PLEKHF1: variants seen among roughly 807,000 people sequenced by gnomAD.
PLEKHF1 encodes pleckstrin homology domain-containing family F member 1.
A neutral mutation model predicts 4.1 loss-of-function variants in PLEKHF1; 1 was observed. That is an observed-to-expected ratio of 0.24 (90% CI 0.09 to 1.15). The LOEUF is 1.15. PLEKHF1 is among the 50% of genes most tolerant of loss of function. The pLI is 0.52. For missense variants in PLEKHF1, 429 were observed against 400.6 expected (o/e 1.07, Z -0.60); for synonymous variants, 182 against 178.5 (o/e 1.02, Z -0.16).
chr19:29,668,937 T>C (rs1007676843), intron 1 of PLEKHF1, among the ~76,000 whole-genome samples: 12 of 152,078 alleles, frequency 7.9e-5, no homozygotes, highest in Non-Finnish European at 1.5e-4. Context: ...GGAGGGCACA[T>C]GTGAGCCCCT....
In PLEKHF1 at chr19:29,674,118, G is replaced by C. The variant is rs767362022; in HGVS notation, c.279G>C (p.Thr93=). The change falls in exon 2 of 2, where the codon ACG becomes ACC. Residue 93 remains threonine (T), a synonymous_variant. Coordinates refer to ENST00000436066, the MANE Select transcript of PLEKHF1 (RefSeq NM_024310.5). ...EEVTLELLPE[T]LQAKNRWMIK... ...TCACACTGGAGCTGTTGCCGGAGAC[G>C]CTGCAGGCCAAGAACCGCTGGATGA... The C allele has an allele frequency of 1.5e-5, 25 of 1,613,812 alleles. No homozygotes were observed. Among genetic ancestry groups the C allele is most frequent in the African/African-American group, 2.7e-5 (2 of 74,946 alleles).
intron 1 of PLEKHF1, among the ~76,000 whole-genome samples, chr19:29,668,126 G>C (rs545124565): frequency 2.3e-3 from 352 of 152,238 alleles, no homozygotes; most frequent in African/African-American, 8.1e-3. Flanking sequence ...GCAGGCAGCA[G>C]GATTGCTGAG....
chr19:29,674,022 C>T lies in PLEKHF1; in HGVS notation c.183C>T (p.Ile61=), dbSNP rs1225077762. ...GCATCTTCTTCCTCTTTAACGACAT[C>T]CTGGTGTATGGCAGCATCGTGCTCA... The part of the protein sequence containing the change: ...KPRIFFLFND[I]LVYGSIVLNK... The change falls in exon 2 of 2, where the codon ATC becomes ATT. Residue 61 remains isoleucine (I), a synonymous_variant. Coordinates refer to ENST00000436066, the MANE Select transcript of PLEKHF1 (RefSeq NM_024310.5). 1.2e-6 allele frequency: 2 copies of T among 1,614,028 alleles called. No individual in the cohort carries two copies. Among genetic ancestry groups the T allele is most frequent in the African/African-American group, 1.3e-5 (1 of 74,936 alleles).
intron 1 of PLEKHF1, among the ~76,000 whole-genome samples, chr19:29,670,305 C>G (rs1321914543): frequency 6.6e-6 from 1 of 152,166 alleles, no homozygotes; most frequent in Non-Finnish European, 1.5e-5. Context: ...CTGGCAGCCC[C>G]TGGCAACCAC....
intron 1 of PLEKHF1, 109 bp from the exon 2 acceptor site, chr19:29,673,715 G>A: frequency 6.9e-7 from 1 of 1,441,410 alleles, no homozygotes; most frequent in Non-Finnish European, 9.4e-7. Context: ...ACTGTGCGTA[G>A]TCAGTGGGCT....
intron 1 of PLEKHF1, among the ~76,000 whole-genome samples, chr19:29,669,347 C>T (rs142334719): frequency 2.6e-5 from 4 of 152,222 alleles, no homozygotes; most frequent in African/African-American, 9.6e-5. Context: ...GGGCACAAAG[C>T]CCACCTGCCT....
Position 29,669,166 on chromosome 19 carries a change from G to A in PLEKHF1, c.-17+3661G>A, listed in dbSNP as rs144548854. On this transcript the variant is annotated intron_variant, in intron 1 of 1. Transcript: ENST00000436066. ...CCCCTCCAAGGGCTGCAGAGACAGC[G>A]TCATGGACTCTGCCCTCTGCTGGAC... is the stretch of plus-strand genomic sequence containing the variant. Among the ~76,000 whole-genome samples, 40 of 152,298 alleles carry A rather than the reference G, an allele frequency of 2.6e-4. No individual in the cohort carries two copies. In the East Asian group the frequency reaches 7.3e-3, roughly 28 times the overall value.
chr19:29,674,147 A>G lies in PLEKHF1; in HGVS notation c.308A>G (p.Lys103Arg). ...CAGGCCAAGAACCGCTGGATGATCA[A>G]GACGGCCAAGAAGTCCTTTGTGGTG... is the stretch of plus-strand genomic sequence containing the variant. Reference protein sequence around the residue: ...TLQAKNRWMIKTAKKSFVVSA... With the variant: ...TLQAKNRWMIRTAKKSFVVSA... The change falls in exon 2 of 2, where the codon AAG becomes AGG. Residue 103 changes from lysine to arginine, a missense_variant. Transcript: ENST00000436066. The G allele has an allele frequency of 6.2e-7, 1 of 1,613,800 alleles. No individual in the cohort carries two copies. The highest frequency in any genetic ancestry group is 2.2e-5 in the East Asian group (1 of 44,884).
chr19:29,666,019 GGGA>G (rs2145584293), intron 1 of PLEKHF1, among the ~76,000 whole-genome samples: 1 of 152,238 alleles, frequency 6.6e-6, no homozygotes, highest in Admixed American at 6.5e-5. Context: ...GATTCTTGGT[GGGA>G]GCTGCCAAGG....
intron 1 of PLEKHF1, 90 bp downstream of exon 1, chr19:29,665,595 G>A (rs1971558937): frequency 2.5e-6 from 3 of 1,222,370 alleles, no homozygotes; most frequent in African/African-American, 3.3e-5. Flanking sequence ...GGACAAGCGA[G>A]CTCTCTCCCG....
Position 29,674,249 on chromosome 19 carries a change from C to T in PLEKHF1, c.410C>T (p.Thr137Met), listed in dbSNP as rs767612447. Residue 137 changes from threonine (T) to methionine (M), a missense_variant, in exon 2 of 2, where the codon ACG (threonine) becomes ATG (methionine). By Grantham distance (81) the Thr-to-Met change is moderately conservative. Transcript: ENST00000436066. ...EECVRRQLRA[T>M]GRPPSTEHAA... ...TGCGTGCGGCGGCAACTGAGGGCCA[C>T]GGGCCGCCCGCCCAGCACGGAGCAC... The T allele has an allele frequency of 6.2e-7, 1 of 1,608,452 alleles. No homozygotes were observed. The highest frequency in any genetic ancestry group is 8.5e-7 in the Non-Finnish European group (1 of 1,179,198).
intron 1 of PLEKHF1, among the ~76,000 whole-genome samples, chr19:29,667,959 C>T (rs538090495): frequency 1.3e-4 from 20 of 152,374 alleles, no homozygotes; most frequent in Admixed American, 1.2e-3. Flanking sequence ...GGCAGTGGCC[C>T]AGATTTGGTG....
At chr19:29,672,364 C>T (rs1455869075) in intron 1 of PLEKHF1, among the ~76,000 whole-genome samples, 1 of 152,110 alleles carries the variant, frequency 6.6e-6, no homozygotes, top group Admixed American at 6.5e-5. Flanking sequence ...GGCTGAGGGC[C>T]GGATTTGACT....
intron 1 of PLEKHF1, among the ~76,000 whole-genome samples, chr19:29,669,720 C>G (rs1342603976): frequency 1.3e-5 from 2 of 152,210 alleles, no homozygotes; most frequent in African/African-American, 4.8e-5. Flanking sequence ...TTTGCTGCTG[C>G]CTTTTTTTAA....
chr19:29,667,299 A>G (rs934935298), intron 1 of PLEKHF1: 1 of 151,840 alleles, frequency 6.6e-6, no homozygotes, highest in African/African-American at 2.4e-5. Flanking sequence ...CTCAGAAAAG[A>G]CCCTGTGAAT....
Position 29,667,465 on chromosome 19 carries a change from C to T in PLEKHF1, c.-17+1960C>T, listed in dbSNP as rs113590183. Among the ~76,000 whole-genome samples the T allele has an allele frequency of 3.1e-3, 471 of 152,266 alleles. 1 individual carries two copies. The highest frequency in any genetic ancestry group is 0.011 in the African/African-American group (447 of 41,550). On this transcript the variant is annotated intron_variant, in intron 1 of 1. Coordinates refer to ENST00000436066, the MANE Select transcript of PLEKHF1 (RefSeq NM_024310.5). ...CATGGAAGCAGGGTGGGTCTGCGTG[C>T]GGCCCAGGTCCCTGCAGGGAAGGAG...
chr19:29,668,287 G>T (rs969354759), intron 1 of PLEKHF1, among the ~76,000 whole-genome samples: 1 of 152,232 alleles, frequency 6.6e-6, no homozygotes, highest in Non-Finnish European at 1.5e-5. Context: ...TCAGGGCCCA[G>T]AGGCTGCCAG....
chr19:29,670,433 T>A (rs1265775753), intron 1 of PLEKHF1, among the ~76,000 whole-genome samples: 1 of 152,262 alleles, frequency 6.6e-6, no homozygotes, highest in Non-Finnish European at 1.5e-5. Context: ...CAGGGCTCAT[T>A]CGTGTTGTAG....
rs772168844 is a variant in PLEKHF1, at chr19:29,673,979, G to T, written c.140G>T (p.Arg47Leu). ...LGEGVLTKEC[R>L]KKAKPRIFFL... ...GAGGGCGTGCTGACCAAAGAGTGCC[G>T]CAAGAAGGCCAAGCCGCGCATCTTC... is the stretch of plus-strand genomic sequence containing the variant. The change falls in exon 2 of 2, where the codon CGC becomes CTC. Residue 47 changes from arginine to leucine, a missense_variant. Arg to Leu is a moderately radical substitution (Grantham distance 102). Coordinates refer to ENST00000436066, the MANE Select transcript of PLEKHF1 (RefSeq NM_024310.5). 6.2e-7 allele frequency: 1 copy of T among 1,613,994 alleles called. No individual in the cohort carries two copies. Among genetic ancestry groups the T allele is most frequent in the Non-Finnish European group, 8.5e-7 (1 of 1,179,988 alleles).
Sources: allele counts gnomAD v4.1 joint callset (sites outside exome capture counted in the v4.1 genomes callset), GRCh38; gene constraint gnomAD v4.1.1; transcripts MANE v1.5; gene names NCBI Gene and HGNC (gene_info 2026-07-23, HGNC 2026-07-21).